CDKL4: variants seen among roughly 807,000 people sequenced by gnomAD.
The protein encoded by CDKL4 is cyclin-dependent kinase-like 4.
A neutral mutation model predicts 42.0 loss-of-function variants in CDKL4; 44 were observed. The observed-to-expected ratio is 1.05, with a 90% CI of 0.82 to 1.35. The LOEUF (loss-of-function observed/expected upper bound fraction) is 1.35. Ranked by LOEUF, CDKL4 falls within the 40% of genes most tolerant of loss-of-function variation. The probability of loss-of-function intolerance (pLI) is 0.00; values close to 1 mark genes in which losing one functional copy is unlikely to be tolerated. For synonymous variants in CDKL4, 120 were observed against 121.6 expected, an observed-to-expected ratio of 0.99 and a Z score of 0.09; for missense variants, 393 against 369.9, an observed-to-expected ratio of 1.06 and a Z score of -0.51.
At chr2:39,243,610 G>A (rs1679772290) in intron 1 of CDKL4, among the ~76,000 whole-genome samples, 2 of 152,166 alleles carry the variant, frequency 1.3e-5, no homozygotes, top group South Asian at 2.1e-4. Flanking sequence ...TCCGCCTTGC[G>A]CGCTCCTCGG....
intron 2 of CDKL4, among the ~76,000 whole-genome samples, chr2:39,227,102 G>C (rs1020563275): frequency 6.6e-6 from 1 of 152,172 alleles, no homozygotes; most frequent in Non-Finnish European, 1.5e-5. Context: ...GGACACTTTT[G>C]AAAGGGGATG....
chr2:39,247,048 C>T (rs1679941784), upstream of CDKL4, among the ~76,000 whole-genome samples: 1 of 152,206 alleles, frequency 6.6e-6, no homozygotes, highest in African/African-American at 2.4e-5. Context: ...GGGCCTGTAC[C>T]TTGTTTTAAT....
Position 39,225,277 on chromosome 2 carries a change from G to A in CDKL4, c.290+562C>T, listed in dbSNP as rs12613269. Among the ~76,000 whole-genome samples the A allele has an allele frequency of 3.2e-3, 492 of 152,108 alleles. 26 individuals are homozygous for A. The East Asian group carries it at 0.09, about 28-fold the overall frequency. ...TAGCCGGGCATGGTGGTGTGTGCCTGTAATCCCAGCTACTCGGGAGGCAGA... is the reference window on the plus strand; with the variant it reads ...TAGCCGGGCATGGTGGTGTGTGCCTATAATCCCAGCTACTCGGGAGGCAGA... On this transcript the variant is annotated intron_variant, in intron 3 of 9. Coordinates refer to ENST00000451199, the Ensembl canonical transcript of CDKL4.
chr2:39,183,997 C>T (rs1337092620), intron 8 of CDKL4, among the ~76,000 whole-genome samples: 1 of 152,158 alleles, frequency 6.6e-6, no homozygotes, highest in East Asian at 1.9e-4. Context: ...CACCTAAGGG[C>T]ATGTTTAAAG....
intron 1 of CDKL4, among the ~76,000 whole-genome samples, chr2:39,238,865 C>A (rs989514518): frequency 6.6e-6 from 1 of 152,200 alleles, no homozygotes; most frequent in African/African-American, 2.4e-5. Flanking sequence ...GATTCTCCTG[C>A]CTCAGTCTCC....
chr2:39,178,589 A>G (rs1675264560), intron 9 of CDKL4: 1 of 1,553,788 alleles, frequency 6.4e-7, no homozygotes, highest in Non-Finnish European at 8.7e-7. Context: ...AGTGAAGGAC[A>G]GTCACCTGAT....
intron 5 of CDKL4, among the ~76,000 whole-genome samples, chr2:39,203,837 A>G (rs1410113386): frequency 6.6e-6 from 1 of 152,174 alleles, no homozygotes; most frequent in Admixed American, 6.5e-5. Context: ...AAGCACAGCA[A>G]CCTCAGAAAG....
In CDKL4 at chr2:39,237,326, A is replaced by G. The variant is rs561211904; in HGVS notation, c.-57+6545T>C. ...ATCACATGATCACCTTAGTACACAC[A>G]AAAAAGGAATCTGACAAAAGCCAAC... On this transcript the variant is annotated intron_variant, in intron 1 of 9. Coordinates refer to ENST00000451199, the Ensembl canonical transcript of CDKL4. 2.6e-5 allele frequency among the ~76,000 whole-genome samples: 4 copies of G among 152,314 alleles called. No individual in the cohort carries two copies. The East Asian group carries it at 7.7e-4, about 29-fold the overall frequency.
At chr2:39,244,663 G>T (rs1476748831), upstream of CDKL4, among the ~76,000 whole-genome samples, 2 of 152,230 alleles carry the variant, frequency 1.3e-5, no homozygotes, top group Admixed American at 6.5e-5. Flanking sequence ...GAGTGCGAGC[G>T]AACGGCGCGG....
intron 9 of CDKL4, chr2:39,178,949 G>T: frequency 6.9e-7 from 1 of 1,443,292 alleles, no homozygotes; most frequent in Non-Finnish European, 9.1e-7. Flanking sequence ...CAGCCAAAGA[G>T]TTGCGTAACG....
chr2:39,227,038 G>A (rs947624303), intron 2 of CDKL4, among the ~76,000 whole-genome samples: 2 of 151,948 alleles, frequency 1.3e-5, no homozygotes, highest in Non-Finnish European at 2.9e-5. Context: ...CATCTGCCTC[G>A]GCTTCTCAAT....
At chr2:39,208,346 CT>C (rs113655991) in intron 4 of CDKL4, among the ~76,000 whole-genome samples, 213 of 144,272 alleles carry the variant, frequency 1.5e-3, no homozygotes, top group Middle Eastern at 3.6e-3. Flanking sequence ...TTATACACAG[CT>C]TTTTTTTTTT....
At chr2:39,175,532 C>T (rs1162618421), downstream of CDKL4, 3 of 153,500 alleles carry the variant, frequency 2.0e-5, no homozygotes, top group Non-Finnish European at 4.4e-5. Flanking sequence ...GAATAAGATA[C>T]CAGCATTACT....
chr2:39,238,782 C>T (rs1370809500), intron 1 of CDKL4, among the ~76,000 whole-genome samples: 2 of 152,110 alleles, frequency 1.3e-5, no homozygotes. Context: ...GATAGAGTCT[C>T]ACTCTGTCAC....
chr2:39,214,700 C>A (rs1677807742), intron 3 of CDKL4, among the ~76,000 whole-genome samples: 1 of 152,146 alleles, frequency 6.6e-6, no homozygotes, highest in South Asian at 2.1e-4. Context: ...GAAGATGGCT[C>A]TTCAATTTAT....
downstream of CDKL4, among the ~76,000 whole-genome samples, chr2:39,173,535 C>T (rs1274440734): frequency 1.3e-5 from 2 of 151,684 alleles, no homozygotes; most frequent in African/African-American, 2.4e-5. Flanking sequence ...TGGAGCCGGG[C>T]GCGGTGGCTC....
chr2:39,180,387 C>T (rs768572056), intron 8 of CDKL4, among the ~76,000 whole-genome samples: 1 of 152,268 alleles, frequency 6.6e-6, no homozygotes, highest in Non-Finnish European at 1.5e-5. Context: ...CAGCCGGGCA[C>T]TGCCCTGTGG....
At chr2:39,239,622 G>A (rs146286905) in intron 1 of CDKL4, among the ~76,000 whole-genome samples, 1 of 152,302 alleles carries the variant, frequency 6.6e-6, no homozygotes, top group African/African-American at 2.4e-5. Context: ...AGCCATTAGG[G>A]AAGTGTTAAT....
chr2:39,169,637 T>C, the CDKL4 span, among the ~76,000 whole-genome samples: 3 of 152,312 alleles, frequency 2.0e-5, no homozygotes, highest in South Asian at 6.2e-4. Flanking sequence ...CACTACTCTC[T>C]TATTTTACAA....
Sources: gnomAD v4.1 joint callset for allele counts (sites outside exome capture counted in the v4.1 genomes callset) on GRCh38, gnomAD v4.1.1 for gene constraint, MANE v1.5 for transcripts, NCBI Gene and HGNC (gene_info 2026-07-23, HGNC 2026-07-21) for gene names.